HIVEP2: variants seen among roughly 807,000 people sequenced by gnomAD.
HIVEP2 encodes transcription factor HIVEP2.
Under a neutral mutation model 180.7 loss-of-function variants are expected in HIVEP2, and 14 were observed. The ratio of observed to expected loss-of-function variants is 0.08; its 90% CI spans 0.05 to 0.12. The LOEUF (loss-of-function observed/expected upper bound fraction) is 0.12, where lower values mean the gene tolerates loss of function less well. Ranked by LOEUF, HIVEP2 falls within the 10% of genes least tolerant of loss-of-function variation. The pLI, the probability that HIVEP2 is intolerant of heterozygous loss-of-function variation, is 1.00. For synonymous variants in HIVEP2, 1,184 were observed against 1,136.4 expected, an observed-to-expected ratio of 1.04 and a Z score of -0.84; for missense variants, 2,579 against 3,008.5, an observed-to-expected ratio of 0.86 and a Z score of 3.34.
At chr6:142,817,770 A>G (rs967931066) in intron 2 of HIVEP2, among the ~76,000 whole-genome samples, 2 of 152,092 alleles carry the variant, frequency 1.3e-5, no homozygotes, top group African/African-American at 2.4e-5. Flanking sequence ...GCAATTCCCA[A>G]CGCTTTGGGA....
Position 142,774,679 on chromosome 6 carries a change from A to G in HIVEP2, c.60T>C (p.Asp20=). Residue 20 remains aspartate, a synonymous_variant, in exon 5 of 10, where the codon GAT becomes GAC. Coordinates refer to ENST00000367603, the MANE Select transcript of HIVEP2 (RefSeq NM_006734.4). The surrounding 1 kb of genome is among the most constrained non-coding windows in gnomAD (Gnocchi z 5.1). The part of the protein sequence containing the change: ...QKATSRSGET[D]KASGRWRQEQ... Reference sequence around the variant, plus strand: ...CCTGTCTCCATCTACCTGATGCTTTATCAGTTTCTCCAGACCTTGAGGTAG... The same window carrying G: ...CCTGTCTCCATCTACCTGATGCTTTGTCAGTTTCTCCAGACCTTGAGGTAG... 6.2e-7 allele frequency: 1 copy of G among 1,614,144 alleles called. No individual in the cohort carries two copies. Among genetic ancestry groups the G allele is most frequent in the Non-Finnish European group, 8.5e-7 (1 of 1,179,998 alleles).
At chr6:142,929,522 C>T (rs1777893427) in intron 1 of HIVEP2, among the ~76,000 whole-genome samples, 1 of 152,046 alleles carries the variant, frequency 6.6e-6, no homozygotes, top group East Asian at 1.9e-4. Context: ...TCTTTTACAC[C>T]ATGAAAGAGA....
intron 3 of HIVEP2, among the ~76,000 whole-genome samples, chr6:142,783,107 A>T (rs1474138513): frequency 6.6e-6 from 1 of 152,082 alleles, no homozygotes; most frequent in African/African-American, 2.4e-5. Flanking sequence ...GCACTTTGGG[A>T]GGCCGAGGTC....
chr6:142,817,228 C>T (rs548059499), intron 2 of HIVEP2, among the ~76,000 whole-genome samples: 289 of 152,284 alleles, frequency 1.9e-3, no homozygotes, highest in African/African-American at 6.8e-3. Flanking sequence ...TGGTAATTAA[C>T]CTGACTGAAA....
chr6:142,913,390 G>T (rs558591126), intron 1 of HIVEP2, among the ~76,000 whole-genome samples: 44 of 152,194 alleles, frequency 2.9e-4, no homozygotes, highest in Non-Finnish European at 5.1e-4. Flanking sequence ...GAAAACCCAT[G>T]GATCAGGGCA....
chr6:142,902,169 A>G (rs762611634), intron 1 of HIVEP2, among the ~76,000 whole-genome samples: 21 of 152,332 alleles, frequency 1.4e-4, no homozygotes, highest in Middle Eastern at 3.4e-3. Context: ...ATACAGAGAG[A>G]GAAAAAGCAG....
chr6:142,835,962 G>A (rs533217458), intron 2 of HIVEP2, among the ~76,000 whole-genome samples: 1 of 152,310 alleles, frequency 6.6e-6, no homozygotes, highest in East Asian at 1.9e-4. Flanking sequence ...AGTGGGTTTA[G>A]TTTAGAAGCT....
Position 142,753,439 on chromosome 6 carries a change from G to A in HIVEP2, c.7009C>T (p.Arg2337Trp), listed in dbSNP as rs1471763204. The A allele has an allele frequency of 3.7e-6, 6 of 1,613,940 alleles. No homozygotes were observed. Among genetic ancestry groups the A allele is most frequent in the Non-Finnish European group, 5.1e-6 (6 of 1,180,026 alleles). ...AGAGCTGCCTCTTCCGTGGCAATCCGGAGAGAGGCAATGGCTTTTGTACAA... is the reference window on the plus strand; with the variant it reads ...AGAGCTGCCTCTTCCGTGGCAATCCAGAGAGAGGCAATGGCTTTTGTACAA... ...QTCTKAIASLRIATEEAALLG... is the reference protein window; with the variant it reads ...QTCTKAIASLWIATEEAALLG... Residue 2337 changes from arginine to tryptophan, a missense_variant, in exon 10 of 10, where the codon CGG (arginine) becomes TGG (tryptophan). Physicochemically the swap from Arg to Trp is moderately radical, Grantham distance 101. Around this residue, in one of 11 missense-constraint regions of HIVEP2, gnomAD observed 660 missense variants for 731.7 expected, o/e 0.90. Transcript: ENST00000367603.
At chr6:142,940,905 G>A (rs778121125) in intron 1 of HIVEP2, among the ~76,000 whole-genome samples, 16 of 152,100 alleles carry the variant, frequency 1.1e-4, no homozygotes, top group East Asian at 1.9e-4. Flanking sequence ...GCTTTCTGCC[G>A]AGAATCACCC....
rs74920098 is a variant in HIVEP2, at chr6:142,889,757, A to C, written c.-640-52710T>G. Among the ~76,000 whole-genome samples the C allele has an allele frequency of 2.5e-3, 378 of 152,294 alleles. 1 individual carries two copies. The highest frequency in any genetic ancestry group is 3.9e-3 in the Non-Finnish European group (267 of 68,020). On this transcript the variant is annotated intron_variant, in intron 1 of 9. Coordinates refer to ENST00000367603, the MANE Select transcript of HIVEP2 (RefSeq NM_006734.4). The stretch of plus-strand genomic sequence containing the variant: ...TTATGTTTAGTGATTTCTGCTGTGC[A>C]ATTATACATACATTTATCAGACATC...
chr6:142,919,887 G>A (rs1777645826), intron 1 of HIVEP2, among the ~76,000 whole-genome samples: 1 of 152,216 alleles, frequency 6.6e-6, no homozygotes, highest in African/African-American at 2.4e-5. Flanking sequence ...ATGTGAAAGA[G>A]CAAAGAATTA....
At position 142,881,696 on chromosome 6, in the gene HIVEP2, A is replaced by G. The variant is rs146202096; in HGVS notation, c.-640-44649T>C. 2.9e-3 allele frequency among the ~76,000 whole-genome samples: 448 copies of G among 152,312 alleles called. 1 individual carries two copies. Among genetic ancestry groups the G allele is most frequent in the African/African-American group, 0.01 (428 of 41,572 alleles). On this transcript the variant is annotated intron_variant, in intron 1 of 9. Coordinates refer to ENST00000367603, the MANE Select transcript of HIVEP2 (RefSeq NM_006734.4). ...TAGAAAATGTATATTCTTCCAAGTA[A>G]AAAGAGTAGAATAAAATATTTCCAC...
chr6:142,818,732 GAAAAGAAAGAAAGAAAGAAAGAAAGAAA>G (rs1776927202), intron 2 of HIVEP2, among the ~76,000 whole-genome samples: 1 of 40,740 alleles, frequency 2.5e-5, no homozygotes, highest in Non-Finnish European at 4.5e-5. Flanking sequence ...AAGAAAGAAA[GAAAAGAAAGAAAGAAAGAAAGAAAGAAA>G]GAAAGAAAGA....
At chr6:142,905,705 T>A (rs1777244175) in intron 1 of HIVEP2, among the ~76,000 whole-genome samples, 1 of 152,204 alleles carries the variant, frequency 6.6e-6, no homozygotes. Flanking sequence ...TCTGAAAAAA[T>A]TATATGACAT....
At chr6:142,786,060 A>G (rs952631645) in intron 2 of HIVEP2, among the ~76,000 whole-genome samples, 1 of 152,202 alleles carries the variant, frequency 6.6e-6, no homozygotes, top group Non-Finnish European at 1.5e-5. Context: ...TGAAATGGAG[A>G]TATGGAGATG....
chr6:142,935,060 C>T (rs1210185664), intron 1 of HIVEP2, among the ~76,000 whole-genome samples: 1 of 152,190 alleles, frequency 6.6e-6, no homozygotes, highest in Admixed American at 6.5e-5. Context: ...ATAAGCTCCC[C>T]TATCCAACTG....
At chr6:142,866,360 A>G (rs1248671647) in intron 1 of HIVEP2, among the ~76,000 whole-genome samples, 1 of 152,206 alleles carries the variant, frequency 6.6e-6, no homozygotes, top group Non-Finnish European at 1.5e-5. Context: ...CTACTAATAA[A>G]TCACTGAGCA....
intron 7 of HIVEP2, among the ~76,000 whole-genome samples, chr6:142,762,452 GCACACA>G (rs35168499): frequency 0.035 from 5,067 of 144,080 alleles, 103 homozygotes; most frequent in Middle Eastern, 0.16. Context: ...ACAGAAGAAT[GCACACA>G]CACACACACA....
At chr6:142,859,739 CAAG>C (rs777592802) in intron 1 of HIVEP2, among the ~76,000 whole-genome samples, 41 of 138,126 alleles carry the variant, frequency 3.0e-4, no homozygotes, top group Non-Finnish European at 5.0e-4. Flanking sequence ...GAGGCTGAGG[CAAG>C]AGAATCACTT....
Sources: gnomAD v4.1 joint callset for allele counts (sites outside exome capture counted in the v4.1 genomes callset) on GRCh38, gnomAD v4.1.1 for gene constraint, gnomAD v4.1.1 regional missense constraint, Gnocchi (gnomAD v3.1) non-coding constraint, MANE v1.5 for transcripts, NCBI Gene and HGNC (gene_info 2026-07-23, HGNC 2026-07-21) for gene names.